Variants in ENTREP1 observed in about 807,000 individuals in gnomAD.
ENTREP1 encodes Friedreich ataxia region gene X123.
At chr9:69,364,405 G>A in the ENTREP1 span, among the ~76,000 whole-genome samples, 1 of 149,326 alleles carries the variant, frequency 6.7e-6, no homozygotes, top group African/African-American at 2.5e-5. Flanking sequence ...TTTTTTTTAA[G>A]GCAAGAGTAA....
At chr9:69,359,985 T>C in the ENTREP1 span, among the ~76,000 whole-genome samples, 2 of 151,542 alleles carry the variant, frequency 1.3e-5, no homozygotes, top group African/African-American at 4.9e-5. Flanking sequence ...TTTTTTTTTT[T>C]GGTTGTTCCT....
the ENTREP1 span, among the ~76,000 whole-genome samples, chr9:69,334,578 A>C: frequency 1.3e-5 from 2 of 152,210 alleles, no homozygotes; most frequent in African/African-American, 4.8e-5. Context: ...TTGTAGAGGA[A>C]AACCTTCATG....
At chr9:69,337,056 C>G in the ENTREP1 span, among the ~76,000 whole-genome samples, 4 of 129,512 alleles carry the variant, frequency 3.1e-5, no homozygotes, top group African/African-American at 1.2e-4. Context: ...ACCCTGTCGC[C>G]CAGGCTGGAG....
At chr9:69,348,716 T>C in the ENTREP1 span, among the ~76,000 whole-genome samples, 8 of 152,260 alleles carry the variant, frequency 5.3e-5, no homozygotes, top group Non-Finnish European at 4.4e-5. Flanking sequence ...TCCTTTGTAA[T>C]TGACTTCTTC....
At chr9:69,368,988 C>T in the ENTREP1 span, among the ~76,000 whole-genome samples, 56 of 152,186 alleles carry the variant, frequency 3.7e-4, 1 homozygote, top group African/African-American at 1.3e-3. Context: ...CCCAGGACCC[C>T]ACCCTCGGCA....
chr9:69,370,995 G>T, the ENTREP1 span, among the ~76,000 whole-genome samples: 2 of 152,038 alleles, frequency 1.3e-5, no homozygotes, highest in African/African-American at 4.8e-5. Flanking sequence ...AAATCTTTGT[G>T]TGCATATTCT....
At chr9:69,364,031 TC>T in the ENTREP1 span, among the ~76,000 whole-genome samples, 2 of 152,290 alleles carry the variant, frequency 1.3e-5, no homozygotes, top group African/African-American at 4.8e-5. Flanking sequence ...TGCCATAAAT[TC>T]AGATGTCACA....
At chr9:69,340,697 G>GCA in the ENTREP1 span, among the ~76,000 whole-genome samples, 8 of 110,640 alleles carry the variant, frequency 7.2e-5, no homozygotes, top group Non-Finnish European at 1.1e-4. Flanking sequence ...GTGTGTGTAT[G>GCA]TGTGTGTGTA....
the ENTREP1 span, among the ~76,000 whole-genome samples, chr9:69,369,786 A>G: frequency 1.3e-5 from 2 of 152,102 alleles, no homozygotes; most frequent in Admixed American, 1.3e-4. Flanking sequence ...TGCACTTGTG[A>G]CAACTAATTA....
the ENTREP1 span, among the ~76,000 whole-genome samples, chr9:69,337,789 A>AT: frequency 2.0e-5 from 3 of 151,962 alleles, no homozygotes; most frequent in Non-Finnish European, 2.9e-5. Flanking sequence ...GTATACTTAA[A>AT]TTTTTTTTCT....
chr9:69,360,060 A>C, the ENTREP1 span, among the ~76,000 whole-genome samples: 1 of 151,676 alleles, frequency 6.6e-6, no homozygotes, highest in Admixed American at 6.6e-5. Context: ...AGTGAGTTTC[A>C]GTAATTTGCT....
chr9:69,385,763 C>CA, the ENTREP1 span: 64 of 1,243,812 alleles, frequency 5.1e-5, 1 homozygote, highest in Admixed American at 2.0e-4. Context: ...TGTTTCGCCT[C>CA]TTTTTTTTTT....
chr9:69,386,216 A>AC, the ENTREP1 span: 2 of 277,746 alleles, frequency 7.2e-6, no homozygotes, highest in Non-Finnish European at 1.3e-5. Flanking sequence ...TATGCTAGGT[A>AC]CTACATGAAG....
the ENTREP1 span, chr9:69,383,509 A>G: frequency 6.5e-7 from 1 of 1,526,896 alleles, no homozygotes; most frequent in Admixed American, 2.0e-5. Flanking sequence ...CAAGGAGACC[A>G]TGGTATGGAG....
the ENTREP1 span, chr9:69,336,184 T>C: frequency 7.8e-7 from 1 of 1,289,068 alleles, no homozygotes; most frequent in African/African-American, 1.5e-5. Context: ...TGGTCCATTT[T>C]CTATATTTAT....
At chr9:69,388,015 C>A in the ENTREP1 span, 1 of 1,560,794 alleles carries the variant, frequency 6.4e-7, no homozygotes, top group African/African-American at 1.4e-5. Flanking sequence ...CCTCCTTCTG[C>A]AAGATGAAAA....
the ENTREP1 span, among the ~76,000 whole-genome samples, chr9:69,363,605 G>T: frequency 6.6e-6 from 1 of 152,160 alleles, no homozygotes; most frequent in Non-Finnish European, 1.5e-5. Context: ...GGGAGTCAGA[G>T]TCATGTACAG....
At chr9:69,365,816 G>A in the ENTREP1 span, among the ~76,000 whole-genome samples, 1 of 152,098 alleles carries the variant, frequency 6.6e-6, no homozygotes, top group South Asian at 2.1e-4. Context: ...CTTAACATAA[G>A]GGCCTCCAGT....
At chr9:69,388,160 G>T in the ENTREP1 span, 100 of 1,614,052 alleles carry the variant, frequency 6.2e-5, no homozygotes, top group Non-Finnish European at 8.2e-5. Context: ...GCCCACAGCT[G>T]CCCCAGTGCT....
Sources: gnomAD v4.1 joint callset for allele counts (sites outside exome capture counted in the v4.1 genomes callset) on GRCh38, gnomAD v4.1.1 for gene constraint, MANE v1.5 for transcripts, NCBI Gene and HGNC (gene_info 2026-07-23, HGNC 2026-07-21) for gene names.